PGM1: variants seen among roughly 807,000 people sequenced by gnomAD.
The protein encoded by PGM1 is phosphoglucomutase 1, also known as phosphoglucomutase-1.
PGM1 carries 52 observed loss-of-function variants against 55.6 expected under a neutral mutation model. The observed-to-expected ratio is 0.94, with a 90% CI of 0.75 to 1.18. PGM1 has a LOEUF of 1.18. PGM1 is among the 50% of genes most tolerant of loss of function. The probability of loss-of-function intolerance (pLI) is 0.00; values close to 1 mark genes in which losing one functional copy is unlikely to be tolerated. For missense variants in PGM1, 724 were observed against 729.3 expected, an observed-to-expected ratio of 0.99 and a Z score of 0.08; for synonymous variants, 287 against 271.7, an observed-to-expected ratio of 1.06 and a Z score of -0.55.
chr1:63,619,814 T>C (rs1336288266), intron 1 of PGM1, among the ~76,000 whole-genome samples: 1 of 152,152 alleles, frequency 6.6e-6, no homozygotes, highest in Non-Finnish European at 1.5e-5. Context: ...GATGTGAACT[T>C]TTTTGAGAAC....
At chr1:63,605,342 T>A (rs1457098466) in intron 1 of PGM1, among the ~76,000 whole-genome samples, 3 of 152,166 alleles carry the variant, frequency 2.0e-5, no homozygotes, top group African/African-American at 7.2e-5. Flanking sequence ...ATCAGTTCCA[T>A]GTGCTGGTAA....
At chr1:63,600,340 C>T (rs78186169) in intron 1 of PGM1, 102 of 152,236 alleles carry the variant, frequency 6.7e-4, no homozygotes, top group African/African-American at 2.2e-3. Flanking sequence ...AAAAGAAAAA[C>T]GTTCTCCCTT....
In PGM1 at chr1:63,654,431, G is replaced by C; in HGVS notation, c.1564G>C (p.Glu522Gln). ...CATTCGGCTGTACATCGATAGCTAT[G>C]AGAAGGACGTTGCCAAGATTAACCA... Reference protein sequence around the residue: ...ATIRLYIDSYEKDVAKINQDP... With the variant: ...ATIRLYIDSYQKDVAKINQDP... The change falls in exon 10 of 11, where the codon GAG (glutamate) becomes CAG (glutamine). Residue 522 changes from glutamate (E) to glutamine (Q), a missense_variant. By Grantham distance (29) the Glu-to-Gln change is conservative (BLOSUM62 2). Coordinates refer to ENST00000371084, the MANE Select transcript of PGM1 (RefSeq NM_002633.3). The C allele has an allele frequency of 6.2e-7, 1 of 1,614,104 alleles. No individual in the cohort carries two copies. Among genetic ancestry groups the C allele is most frequent in the Admixed American group, 1.7e-5 (1 of 60,026 alleles).
chr1:63,631,844 T>C lies in PGM1; in HGVS notation c.682+62T>C, dbSNP rs1649204556. ...GGATAGGAAGTTGCCCTCTTCTGTG[T>C]GTATCATGATGCTTCAACAAGCCTT... On this transcript the variant is annotated intron_variant, in intron 4 of 10. Coordinates refer to ENST00000371084, the MANE Select transcript of PGM1 (RefSeq NM_002633.3). 3 of 1,479,842 alleles carry C rather than the reference T, an allele frequency of 2.0e-6. No individual in the cohort carries two copies. The South Asian group carries it at 3.4e-5, about 17-fold the overall frequency. The allele number at this position is 1,479,842 out of a possible 1,614,324, so 91.7% of individuals were successfully genotyped here. A position where few individuals can be genotyped will look rare whatever the true frequency, so the allele number is the denominator to read the frequency against.
chr1:63,659,447 A>G (rs774352925), intron 10 of PGM1, 139 bp from the exon 11 acceptor site: 95 of 725,352 alleles, frequency 1.3e-4, no homozygotes, highest in Admixed American at 4.2e-4. Flanking sequence ...TGGGGGAAAT[A>G]ACATGTGTTT....
At chr1:63,639,688 T>C (rs1649462576) in intron 7 of PGM1, among the ~76,000 whole-genome samples, 1 of 152,144 alleles carries the variant, frequency 6.6e-6, no homozygotes, top group African/African-American at 2.4e-5. Context: ...TACTCTACTG[T>C]CACCCTTTAG....
intron 6 of PGM1, among the ~76,000 whole-genome samples, chr1:63,638,171 A>G (rs1014204506): frequency 1.3e-5 from 2 of 152,300 alleles, no homozygotes; most frequent in South Asian, 4.1e-4. Flanking sequence ...GATGAGACAA[A>G]AGCAGCACTG....
Position 63,629,532 on chromosome 1 carries a change from C to T in PGM1, c.354C>T (p.His118=). 1 of 1,613,890 alleles carries T rather than the reference C, an allele frequency of 6.2e-7. No homozygotes were observed. The highest frequency in any genetic ancestry group is 8.5e-7 in the Non-Finnish European group (1 of 1,179,820). The change falls in exon 2 of 11, where the codon CAC becomes CAT. Residue 118 remains histidine (H), a synonymous_variant. Coordinates refer to ENST00000371084, the MANE Select transcript of PGM1 (RefSeq NM_002633.3). ...GTGGGATCATTCTGACAGCCAGTCA[C>T]AACCCAGGGGGCCCCAATGGAGATT... is the stretch of plus-strand genomic sequence containing the variant. ...AIGGIILTAS[H]NPGGPNGDFG... is the part of the protein sequence containing the mutation.
intron 1 of PGM1, among the ~76,000 whole-genome samples, chr1:63,612,250 T>C (rs1193029559): frequency 7.3e-6 from 1 of 136,364 alleles, no homozygotes; most frequent in Non-Finnish European, 1.6e-5. Context: ...AGAGCGAAAC[T>C]CTGTCTCAAA....
chr1:63,606,499 G>C (rs1247269663), intron 1 of PGM1, among the ~76,000 whole-genome samples: 1 of 152,068 alleles, frequency 6.6e-6, no homozygotes, highest in Non-Finnish European at 1.5e-5. Flanking sequence ...TCTAGGTCCG[G>C]GATGGCTGCC....
Position 63,654,392 on chromosome 1 carries a change from A to G in PGM1, c.1525A>G (p.Ser509Gly). ...RIVFRLSGTG[S>G]AGATIRLYID... is the part of the protein sequence containing the mutation. ...CGTCTTCCGACTGAGCGGCACTGGG[A>G]GTGCCGGGGCCACCATTCGGCTGTA... The change falls in exon 10 of 11, where the codon AGT (serine) becomes GGT (glycine). Residue 509 changes from serine (S) to glycine (G), a missense_variant. Around this residue, in one of 3 missense-constraint regions of PGM1, gnomAD observed 316 missense variants for 313.1 expected, o/e 1.01. Transcript: ENST00000371084. The G allele has an allele frequency of 6.2e-7, 1 of 1,614,010 alleles. No homozygotes were observed. Among genetic ancestry groups the G allele is most frequent in the Non-Finnish European group, 8.5e-7 (1 of 1,179,900 alleles).
At chr1:63,626,904 TG>T (rs1415391988) in intron 1 of PGM1, among the ~76,000 whole-genome samples, 8 of 152,088 alleles carry the variant, frequency 5.3e-5, no homozygotes, top group Non-Finnish European at 1.0e-4. Context: ...CAACCACCAT[TG>T]TATTTTGTGT....
chr1:63,633,906 GTGTGTGTGTGTGTATATATATA>G (rs1454228509), intron 4 of PGM1, among the ~76,000 whole-genome samples: 26 of 35,344 alleles, frequency 7.4e-4, no homozygotes, highest in African/African-American at 4.1e-3. Context: ...GTGTGTGTGT[GTGTGTGTGTGTGTATATATATA>G]TATATTTTTT....
intron 1 of PGM1, among the ~76,000 whole-genome samples, chr1:63,606,458 T>C (rs1242932646): frequency 6.6e-6 from 1 of 152,198 alleles, no homozygotes; most frequent in East Asian, 1.9e-4. Flanking sequence ...TTTTCTTCTG[T>C]TGTGCAGCCT....
At chr1:63,615,894 C>T (rs537181783) in intron 1 of PGM1, among the ~76,000 whole-genome samples, 2 of 152,070 alleles carry the variant, frequency 1.3e-5, no homozygotes, top group African/African-American at 4.8e-5. Context: ...GCACAATTTC[C>T]CTTGTGATCT....
chr1:63,635,535 T>A (rs1649340277), intron 5 of PGM1, among the ~76,000 whole-genome samples: 1 of 152,230 alleles, frequency 6.6e-6, no homozygotes, highest in Admixed American at 6.5e-5. Flanking sequence ...TTTACAAGGG[T>A]GACTATGTAC....
intron 8 of PGM1, among the ~76,000 whole-genome samples, chr1:63,649,419 T>G (rs1456748371): frequency 6.6e-6 from 1 of 152,194 alleles, no homozygotes; most frequent in Non-Finnish European, 1.5e-5. Flanking sequence ...CCCCAGTTAG[T>G]GTAAAAATCT....
intron 1 of PGM1, among the ~76,000 whole-genome samples, chr1:63,605,826 C>T (rs1466942597): frequency 6.6e-6 from 1 of 152,178 alleles, no homozygotes; most frequent in Non-Finnish European, 1.5e-5. Context: ...CCCACCTTGG[C>T]TTCTCAAAGT....
chr1:63,627,600 C>G (rs1485816731), intron 1 of PGM1, among the ~76,000 whole-genome samples: 1 of 152,088 alleles, frequency 6.6e-6, no homozygotes, highest in African/African-American at 2.4e-5. Flanking sequence ...GCTTCTATCT[C>G]TCAACTTTCC....
Sources: gnomAD v4.1 joint callset for allele counts (sites outside exome capture counted in the v4.1 genomes callset) on GRCh38, gnomAD v4.1.1 for gene constraint, gnomAD v4.1.1 regional missense constraint, MANE v1.5 for transcripts, NCBI Gene and HGNC (gene_info 2026-07-23, HGNC 2026-07-21) for gene names.